Variants in TAF11 observed in about 807,000 individuals in gnomAD.
TAF11 encodes TATA-box binding protein associated factor 11.
In TAF11, 10 loss-of-function variants were observed where a neutral mutation model predicts 23.0. That is an observed-to-expected ratio of 0.43 (90% CI 0.27 to 0.74). TAF11 has a LOEUF of 0.74. Ranked by LOEUF, TAF11 falls within the 30% of genes least tolerant of loss-of-function variation. TAF11 has a pLI of 0.19. For missense variants in TAF11, 196 were observed against 261.7 expected, an observed-to-expected ratio of 0.75 and a Z score of 1.73; for synonymous variants, 85 against 95.8, an observed-to-expected ratio of 0.89 and a Z score of 0.66.
At chr6:34,879,689 A>G (rs1424060489) in intron 4 of TAF11, 1 of 985,262 alleles carries the variant, frequency 1.0e-6, no homozygotes, top group Non-Finnish European at 1.2e-6. Context: ...AGCAGAAATG[A>G]GCAAAGTCCA....
At chr6:34,887,718 A>G in intron 1 of TAF11, 69 bp downstream of exon 1, 1 of 1,595,492 alleles carries the variant, frequency 6.3e-7, no homozygotes, top group East Asian at 2.2e-5. Context: ...ACTAACCAGA[A>G]GCCCGGCGAG....
At position 34,878,447 on chromosome 6, in the gene TAF11, TATCA is replaced by T; in HGVS notation, c.*139_*142del. On this transcript the variant is annotated 3_prime_UTR_variant, in exon 5 of 5. Coordinates refer to ENST00000361288, the MANE Select transcript of TAF11 (RefSeq NM_005643.4). The stretch of plus-strand genomic sequence containing the variant: ...CTACATACTTTCTAGGTGTGACAAA[TATCA>T]GAGTTTTGAGAAAGACATTAAAATC... 3.0e-6 allele frequency: 2 copies of T among 662,126 alleles called. No homozygotes were observed. The highest frequency in any genetic ancestry group is 5.4e-6 in the Non-Finnish European group (2 of 369,712). The allele number at this position is 662,126 out of a possible 1,614,324, so 41.0% of individuals were successfully genotyped here.
At chr6:34,884,232 C>A (rs1025056071) in intron 1 of TAF11, among the ~76,000 whole-genome samples, 5 of 152,154 alleles carry the variant, frequency 3.3e-5, no homozygotes, top group Admixed American at 3.3e-4. Context: ...AAATACTATA[C>A]AGCCATAAAA....
chr6:34,882,703 AC>A, intron 2 of TAF11, among the ~76,000 whole-genome samples: 1 of 152,142 alleles, frequency 6.6e-6, no homozygotes, highest in East Asian at 1.9e-4. Flanking sequence ...AAAGGGTTTC[AC>A]TATGTTGCCC....
At position 34,878,236 on chromosome 6, in the gene TAF11, T is replaced by TATC. The variant is rs1310567680; in HGVS notation, c.*351_*353dup. 4.6e-6 allele frequency: 1 copy of TATC among 216,256 alleles called. No individual in the cohort carries two copies. The highest frequency in any genetic ancestry group is 1.0e-4 in the East Asian group (1 of 9,714). The allele number at this position is 216,256 out of a possible 1,614,324, so 13.4% of individuals were successfully genotyped here. On this transcript the variant is annotated 3_prime_UTR_variant, in exon 5 of 5. Coordinates refer to ENST00000361288, the MANE Select transcript of TAF11 (RefSeq NM_005643.4). ...CAGCCTAGGTGATAGAGCAAGACCC[T>TATC]ATCTCAAACAAAACGAAACCAAAAC...
chr6:34,879,922 G>T, intron 4 of TAF11, 45 bp downstream of exon 4: 2 of 1,591,126 alleles, frequency 1.3e-6, no homozygotes, highest in South Asian at 2.2e-5. Context: ...TTAAAAATAA[G>T]ACCACCACAG....
At chr6:34,887,560 A>C (rs1200191982) in intron 1 of TAF11, among the ~76,000 whole-genome samples, 1 of 152,116 alleles carries the variant, frequency 6.6e-6, no homozygotes. Context: ...TTTAATCCCT[A>C]AAGACAAGAC....
chr6:34,879,856 A>C, intron 4 of TAF11, 111 bp downstream of exon 4: 2 of 1,470,416 alleles, frequency 1.4e-6, no homozygotes, highest in Non-Finnish European at 1.8e-6. Context: ...GGTCAACTTC[A>C]AGTGCAAATG....
intron 1 of TAF11, among the ~76,000 whole-genome samples, chr6:34,883,470 T>C (rs1272994932): frequency 6.6e-6 from 1 of 152,128 alleles, no homozygotes; most frequent in Non-Finnish European, 1.5e-5. Context: ...GATCTATAGA[T>C]CTCTTTACTG....
intron 1 of TAF11, among the ~76,000 whole-genome samples, chr6:34,887,397 AGTT>A (rs1299429026): frequency 6.6e-6 from 1 of 152,154 alleles, no homozygotes; most frequent in Non-Finnish European, 1.5e-5. Context: ...TAAAGACAAA[AGTT>A]GTCTTAACAT....
Position 34,887,876 on chromosome 6 carries a change from G to T in TAF11, c.82C>A (p.Pro28Thr). 1.9e-6 allele frequency: 3 copies of T among 1,614,154 alleles called. No homozygotes were observed. Among genetic ancestry groups the T allele is most frequent in the Non-Finnish European group, 1.7e-6 (2 of 1,180,030 alleles). Reference protein sequence around the residue: ...SDETAAVPGDPGATDTDGIPE... With the variant: ...SDETAAVPGDTGATDTDGIPE... ...ATTCCATCGGTGTCGGTAGCCCCCG[G>T]GTCCCCGGGCACAGCGGCCGTCTCA... The change falls in exon 1 of 5, where the codon CCG becomes ACG. Residue 28 changes from proline to threonine, a missense_variant. Transcript: ENST00000361288.
rs1035871235 is a variant in TAF11, at chr6:34,880,823, T to A, written c.321-447A>T. On this transcript the variant is annotated intron_variant, in intron 2 of 4. Transcript: ENST00000361288. The surrounding 1 kb of genome is among the most constrained non-coding windows in gnomAD (Gnocchi z 4.8). ...TTCTTTCAAATGAATAAAGGGGCCA[T>A]GTCAATTTTTGAAAATGAACAAAGT... Among the ~76,000 whole-genome samples the A allele has an allele frequency of 6.6e-6, 1 of 152,242 alleles. No individual in the cohort carries two copies. The highest frequency in any genetic ancestry group is 1.5e-5 in the Non-Finnish European group (1 of 68,044).
chr6:34,879,719 T>C (rs1766384670), intron 4 of TAF11: 1 of 985,292 alleles, frequency 1.0e-6, no homozygotes, highest in Non-Finnish European at 1.2e-6. Flanking sequence ...ATACAAAGTC[T>C]ACTTCTTTCA....
At chr6:34,882,406 G>T (rs1233102144) in intron 2 of TAF11, among the ~76,000 whole-genome samples, 2 of 151,842 alleles carry the variant, frequency 1.3e-5, no homozygotes, top group Non-Finnish European at 2.9e-5. Flanking sequence ...CACTTTGGGA[G>T]GCCGAGGCGG....
chr6:34,883,358 G>A (rs1241256481), intron 1 of TAF11, among the ~76,000 whole-genome samples: 3 of 134,220 alleles, frequency 2.2e-5, no homozygotes, highest in African/African-American at 3.5e-5. Context: ...GAAATGCCAT[G>A]GATCATGAAA....
intron 4 of TAF11, 68 bp from the exon 5 acceptor site, chr6:34,878,788 G>A: frequency 1.5e-6 from 2 of 1,374,806 alleles, no homozygotes; most frequent in African/African-American, 1.4e-5. Context: ...ATCCTTTTGA[G>A]TCCTGTAATT....
At chr6:34,881,331 A>C (rs963373920) in intron 2 of TAF11, among the ~76,000 whole-genome samples, 1 of 152,234 alleles carries the variant, frequency 6.6e-6, no homozygotes, top group Non-Finnish European at 1.5e-5. Context: ...AAACATCTAA[A>C]AAAACTTTGA....
chr6:34,878,827 G>A (rs1766363897), intron 4 of TAF11, 107 bp from the exon 5 acceptor site: 2 of 930,660 alleles, frequency 2.1e-6, no homozygotes, highest in Non-Finnish European at 3.3e-6. Flanking sequence ...GCTTGCTAAG[G>A]AAATAAACAG....
At chr6:34,886,410 C>CAAAA (rs201715300) in intron 1 of TAF11, among the ~76,000 whole-genome samples, 1 of 151,612 alleles carries the variant, frequency 6.6e-6, no homozygotes, top group East Asian at 1.9e-4. Context: ...AAAAAACAAA[C>CAAAA]AAAAAACCTG....
Sources: allele counts gnomAD v4.1 joint callset (sites outside exome capture counted in the v4.1 genomes callset), GRCh38; gene constraint gnomAD v4.1.1; non-coding constraint Gnocchi (gnomAD v3.1); transcripts MANE v1.5; gene names NCBI Gene and HGNC (gene_info 2026-07-23, HGNC 2026-07-21).